The following ZNF804A variants were observed in gnomAD, a reference collection of about 807,000 sequenced individuals.
ZNF804A encodes the protein zinc finger protein 804A.
In ZNF804A, 2 loss-of-function variants were observed where a neutral mutation model predicts 16.5. The ratio of observed to expected loss-of-function variants is 0.12; its 90% confidence interval spans 0.05 to 0.38. The LOEUF is 0.38. Ranked by LOEUF, ZNF804A falls within the 10% of genes least tolerant of loss-of-function variation. The pLI is 0.99. For missense variants in ZNF804A, 1,473 were observed against 1,390.7 expected, an observed-to-expected ratio of 1.06 and a Z score of -0.94; for synonymous variants, 534 against 489.6, an observed-to-expected ratio of 1.09 and a Z score of -1.20.
At chr2:184,687,295 T>C (rs1455617957) in intron 1 of ZNF804A, among the ~76,000 whole-genome samples, 2 of 152,208 alleles carry the variant, frequency 1.3e-5, no homozygotes, top group Non-Finnish European at 2.9e-5. Flanking sequence ...TAGTCATTGC[T>C]CGTTACTGTC....
At chr2:184,703,955 T>C (rs1692976617) in intron 1 of ZNF804A, among the ~76,000 whole-genome samples, 1 of 152,106 alleles carries the variant, frequency 6.6e-6, no homozygotes, top group African/African-American at 2.4e-5. Flanking sequence ...TTTTCAAAAT[T>C]ACAAAATTTT....
Position 184,770,599 on chromosome 2 carries a change from G to A in ZNF804A, c.112-95770G>A, listed in dbSNP as rs180832145. Among the ~76,000 whole-genome samples, 56 of 132,294 alleles carry A rather than the reference G, an allele frequency of 4.2e-4. 1 individual carries two copies. In the Middle Eastern group the frequency reaches 0.029, roughly 68 times the overall value. 86.8% of individuals were successfully genotyped at this position (132,294 alleles called of 152,430 possible). A position where few individuals can be genotyped will look rare whatever the true frequency, so the allele number is the denominator to read the frequency against. ...TGGGTATATAGGTGTATAAAAAAGC[G>A]GACAAAGTTTACATCTCAAAAAGAA... On this transcript the variant is annotated intron_variant, in intron 1 of 3. Coordinates refer to ENST00000302277, the MANE Select transcript of ZNF804A (RefSeq NM_194250.2).
At chr2:184,610,554 G>A (rs989058297) in intron 1 of ZNF804A, among the ~76,000 whole-genome samples, 1 of 151,898 alleles carries the variant, frequency 6.6e-6, no homozygotes, top group African/African-American at 2.4e-5. Context: ...GGAATTATAT[G>A]TAGATTCTGT....
Position 184,937,909 on chromosome 2 carries a change from A to T in ZNF804A, c.2513A>T (p.Asp838Val), listed in dbSNP as rs372502582. 40 of 1,614,034 alleles carry T rather than the reference A, an allele frequency of 2.5e-5. No individual in the cohort carries two copies. In the Middle Eastern group the frequency reaches 8.2e-4, roughly 33 times the overall value. Reference protein sequence around the residue: ...LKENTDYPVKDNSSLNPLDRL... With the variant: ...LKENTDYPVKVNSSLNPLDRL... ...GAAAATACAGATTATCCCGTGAAAG[A>T]CAATTCTTCCTTAAATCCTCTGGAT... The change falls in exon 4 of 4, where the codon GAC becomes GTC. Residue 838 changes from aspartate (D) to valine (V), a missense_variant. Coordinates refer to ENST00000302277, the MANE Select transcript of ZNF804A (RefSeq NM_194250.2).
chr2:184,771,370 A>G (rs1224794189), intron 1 of ZNF804A, among the ~76,000 whole-genome samples: 3 of 151,998 alleles, frequency 2.0e-5, no homozygotes, highest in African/African-American at 7.2e-5. Flanking sequence ...CAGTTTCTGT[A>G]CGTCAGGTGT....
chr2:184,738,082 T>C (rs944200124), intron 1 of ZNF804A, among the ~76,000 whole-genome samples: 1 of 146,940 alleles, frequency 6.8e-6, no homozygotes, highest in African/African-American at 2.5e-5. Flanking sequence ...GCCGAGATCA[T>C]GCCATTGCAC....
chr2:184,830,437 A>G (rs1369984217), intron 1 of ZNF804A, among the ~76,000 whole-genome samples: 2 of 152,096 alleles, frequency 1.3e-5, no homozygotes, highest in Admixed American at 6.6e-5. Context: ...GATTTTCTTC[A>G]GTGGTGAAGT....
chr2:184,864,875 ATTTTT>A (rs34114485), intron 1 of ZNF804A, among the ~76,000 whole-genome samples: 2 of 105,480 alleles, frequency 1.9e-5, no homozygotes, highest in African/African-American at 4.5e-5. Context: ...TATAGTTAGG[ATTTTT>A]TTTTTTTTTT....
chr2:184,640,032 A>C (rs1433537813), intron 1 of ZNF804A, among the ~76,000 whole-genome samples: 1 of 151,860 alleles, frequency 6.6e-6, no homozygotes, highest in African/African-American at 2.4e-5. Context: ...TAAATAAATA[A>C]AATAAAAAAA....
intron 1 of ZNF804A, among the ~76,000 whole-genome samples, chr2:184,721,143 TAGA>T (rs1693306790): frequency 6.6e-6 from 1 of 152,174 alleles, no homozygotes; most frequent in Non-Finnish European, 1.5e-5. Flanking sequence ...ATTAAAATCC[TAGA>T]AGAAGACATA....
At chr2:184,700,334 A>T (rs1474235599) in intron 1 of ZNF804A, among the ~76,000 whole-genome samples, 3 of 152,040 alleles carry the variant, frequency 2.0e-5, no homozygotes, top group Non-Finnish European at 2.9e-5. Flanking sequence ...AATTTCCCAT[A>T]CTGTTTACTG....
intron 1 of ZNF804A, among the ~76,000 whole-genome samples, chr2:184,621,001 T>C (rs1222811540): frequency 6.6e-6 from 1 of 151,568 alleles, no homozygotes; most frequent in African/African-American, 2.4e-5. Context: ...AATTAATAGA[T>C]GATAACTAGA....
At chr2:184,688,617 A>G (rs1692679091) in intron 1 of ZNF804A, among the ~76,000 whole-genome samples, 1 of 152,066 alleles carries the variant, frequency 6.6e-6, no homozygotes, top group Admixed American at 6.5e-5. Context: ...CTCAATATAC[A>G]ATACTTCAAA....
intron 1 of ZNF804A, among the ~76,000 whole-genome samples, chr2:184,776,783 A>C (rs1404868021): frequency 6.6e-6 from 1 of 151,568 alleles, no homozygotes; most frequent in East Asian, 1.9e-4. Context: ...GACATTAGCC[A>C]GTTATCCTAA....
chr2:184,853,374 C>G (rs955638858), intron 1 of ZNF804A, among the ~76,000 whole-genome samples: 5 of 151,734 alleles, frequency 3.3e-5, no homozygotes, highest in Non-Finnish European at 7.4e-5. Context: ...TATTTGAAAA[C>G]AAGGAACTTT....
intron 2 of ZNF804A, among the ~76,000 whole-genome samples, chr2:184,913,874 A>G (rs1464266170): frequency 1.3e-5 from 2 of 152,134 alleles, no homozygotes; most frequent in Non-Finnish European, 2.9e-5. Flanking sequence ...ATTCTTAAAC[A>G]GCTTCCTCTG....
intron 1 of ZNF804A, among the ~76,000 whole-genome samples, chr2:184,702,318 A>C (rs975340375): frequency 2.0e-5 from 3 of 152,032 alleles, no homozygotes; most frequent in Admixed American, 2.0e-4. Flanking sequence ...AGAGATATGA[A>C]TTTACATGCA....
chr2:184,852,548 C>T (rs550296167), intron 1 of ZNF804A, among the ~76,000 whole-genome samples: 103 of 150,782 alleles, frequency 6.8e-4, no homozygotes, highest in African/African-American at 1.8e-3. Flanking sequence ...GATCTCCCAC[C>T]GGCTTTTTTT....
chr2:184,890,228 T>TTGCC (rs2105821910), intron 2 of ZNF804A, among the ~76,000 whole-genome samples: 1 of 152,300 alleles, frequency 6.6e-6, no homozygotes, highest in African/African-American at 2.4e-5. Flanking sequence ...TGTTACTGTG[T>TTGCC]TGCCTTATTC....
Sources: gnomAD v4.1 joint callset for allele counts (sites outside exome capture counted in the v4.1 genomes callset) on GRCh38, gnomAD v4.1.1 for gene constraint, MANE v1.5 for transcripts, NCBI Gene and HGNC (gene_info 2026-07-23, HGNC 2026-07-21) for gene names.